The following SPATA16 variants were observed in gnomAD, a reference collection of about 807,000 sequenced individuals.
SPATA16 encodes the protein spermatogenesis associated 16.
Under a neutral mutation model 63.3 loss-of-function variants are expected in SPATA16, and 36 were observed. The ratio of observed to expected loss-of-function variants is 0.57; its 90% CI spans 0.44 to 0.75. The LOEUF is 0.75. Among genes scored for constraint, SPATA16 ranks in the 30% least tolerant of loss-of-function variants. The pLI is 0.00. For synonymous variants in SPATA16, 203 were observed against 216.7 expected, an observed-to-expected ratio of 0.94 and a Z score of 0.56; for missense variants, 646 against 679.3, an observed-to-expected ratio of 0.95 and a Z score of 0.54.
chr3:172,906,721 T>C (rs1185397691), intron 10 of SPATA16, among the ~76,000 whole-genome samples: 1 of 152,048 alleles, frequency 6.6e-6, no homozygotes, highest in Admixed American at 6.6e-5. Context: ...ACTGCTAAAC[T>C]TCTCTCTAAT....
intron 10 of SPATA16, among the ~76,000 whole-genome samples, chr3:172,897,702 T>C (rs1732036813): frequency 1.3e-5 from 2 of 152,086 alleles, no homozygotes; most frequent in South Asian, 4.1e-4. Context: ...TATCTGCAAA[T>C]AGGGAAGGGC....
chr3:172,951,771 A>G (rs1733440090), intron 6 of SPATA16, among the ~76,000 whole-genome samples: 1 of 152,156 alleles, frequency 6.6e-6, no homozygotes, highest in South Asian at 2.1e-4. Context: ...GGTGACCTAA[A>G]GTTGGGCAGA....
chr3:172,916,231 ATTTTTTT>A (rs201062286), intron 9 of SPATA16, 79 bp downstream of exon 9: 1 of 1,033,130 alleles, frequency 9.7e-7, no homozygotes, highest in Non-Finnish European at 1.4e-6. Flanking sequence ...TTACCACAGG[ATTTTTTT>A]TTTTTTTTTT....
In SPATA16 at chr3:173,117,558, G is replaced by T; in HGVS notation, c.174C>A (p.Ile58=). 1 of 1,613,934 alleles carries T rather than the reference G, an allele frequency of 6.2e-7. No individual in the cohort carries two copies. Among genetic ancestry groups the T allele is most frequent in the Non-Finnish European group, 8.5e-7 (1 of 1,179,958 alleles). The change falls in exon 2 of 11, where the codon ATC becomes ATA. Residue 58 remains isoleucine, a synonymous_variant. Coordinates refer to ENST00000351008, the MANE Select transcript of SPATA16 (RefSeq NM_031955.6). ...KKNCGGKQVE[I]TLERTKMTKG... ...TTGTCATTTTTGTTCTTTCAAGTGT[G>T]ATTTCTACCTGTTTACCTCCACAGT...
chr3:173,112,669 C>T (rs1737776945), intron 2 of SPATA16, among the ~76,000 whole-genome samples: 2 of 152,130 alleles, frequency 1.3e-5, no homozygotes, highest in South Asian at 4.1e-4. Context: ...ACAAAGAGCT[C>T]CATAAATGTG....
intron 10 of SPATA16, among the ~76,000 whole-genome samples, chr3:172,912,219 A>C (rs950825263): frequency 9.2e-5 from 14 of 152,162 alleles, no homozygotes; most frequent in African/African-American, 3.4e-4. Context: ...TCTTAGAGGC[A>C]GTGTTTCTGA....
At chr3:172,921,429 C>T (rs920410682) in intron 8 of SPATA16, among the ~76,000 whole-genome samples, 1 of 152,098 alleles carries the variant, frequency 6.6e-6, no homozygotes, top group South Asian at 2.1e-4. Context: ...GCTTGTCACA[C>T]GAGCATGGTC....
chr3:172,936,096 A>G (rs1732987342), intron 6 of SPATA16, among the ~76,000 whole-genome samples: 1 of 152,146 alleles, frequency 6.6e-6, no homozygotes, highest in Admixed American at 6.5e-5. Flanking sequence ...CTTTCTTCCT[A>G]GTTTCTGGCA....
At chr3:172,893,616 T>C (rs887221694) in intron 10 of SPATA16, among the ~76,000 whole-genome samples, 1 of 152,226 alleles carries the variant, frequency 6.6e-6, no homozygotes, top group African/African-American at 2.4e-5. Flanking sequence ...GGAAGAGCAA[T>C]TAAGTTATAA....
intron 10 of SPATA16, among the ~76,000 whole-genome samples, chr3:172,912,308 C>A (rs555083774): frequency 1.2e-4 from 19 of 152,186 alleles, no homozygotes; most frequent in African/African-American, 4.6e-4. Flanking sequence ...TTCAGTTAGC[C>A]CATAAGTAGC....
intron 6 of SPATA16, among the ~76,000 whole-genome samples, chr3:172,935,855 C>T (rs1732978144): frequency 6.6e-6 from 1 of 152,044 alleles, no homozygotes; most frequent in Admixed American, 6.6e-5. Flanking sequence ...AGTTTAGGAA[C>T]TCTCATGTCT....
chr3:173,048,688 C>T (rs1465621570), intron 3 of SPATA16, among the ~76,000 whole-genome samples: 5 of 152,078 alleles, frequency 3.3e-5, no homozygotes, highest in Non-Finnish European at 7.4e-5. Context: ...CGTTTCTTCC[C>T]GCAGCAATTT....
At chr3:173,013,666 C>T (rs576310667) in intron 4 of SPATA16, among the ~76,000 whole-genome samples, 1 of 152,326 alleles carries the variant, frequency 6.6e-6, no homozygotes, top group South Asian at 2.1e-4. Flanking sequence ...TGTCCATTAT[C>T]TTGGTTTGCC....
At chr3:172,988,773 A>T (rs1460884776) in intron 4 of SPATA16, among the ~76,000 whole-genome samples, 1 of 152,128 alleles carries the variant, frequency 6.6e-6, no homozygotes, top group Non-Finnish European at 1.5e-5. Flanking sequence ...AGTAGCTGAG[A>T]TTACAAGTGC....
chr3:173,069,123 AAAAG>A (rs1330221593), intron 2 of SPATA16, among the ~76,000 whole-genome samples: 4 of 151,368 alleles, frequency 2.6e-5, no homozygotes, highest in South Asian at 2.1e-4. Context: ...AAAAAAAAAA[AAAAG>A]AAAGAAAGAA....
rs1427393554 is a variant in SPATA16, at chr3:172,913,745, C to A, written c.1504-1G>T. ...TAGCATCTGCCATTAGTGACTGCAG[C>A]TGTGGCACCAAGATAAAAATTATCA... On this transcript the variant is annotated splice_acceptor_variant, in intron 9 of 10. Transcript: ENST00000351008. LOFTEE classifies it high-confidence loss of function. 2 of 1,612,890 alleles carry A rather than the reference C, an allele frequency of 1.2e-6. No homozygotes were observed. The highest frequency in any genetic ancestry group is 2.7e-5 in the African/African-American group (2 of 74,866).
chr3:172,942,714 C>T (rs938188064), intron 6 of SPATA16, among the ~76,000 whole-genome samples: 1 of 152,074 alleles, frequency 6.6e-6, no homozygotes, highest in Non-Finnish European at 1.5e-5. Context: ...AAAAACCCTG[C>T]ATTCCAAAAT....
chr3:172,941,591 A>G (rs556803462), intron 6 of SPATA16, among the ~76,000 whole-genome samples: 12 of 152,332 alleles, frequency 7.9e-5, no homozygotes, highest in African/African-American at 2.6e-4. Flanking sequence ...ACTGTTATCT[A>G]AGAACTAGGG....
chr3:172,924,078 C>A (rs1290690497), intron 8 of SPATA16, 130 bp downstream of exon 8: 4 of 729,646 alleles, frequency 5.5e-6, no homozygotes, highest in East Asian at 2.8e-5. Flanking sequence ...CTTGTTTTTG[C>A]AAATGAGATT....
Sources: gnomAD v4.1 joint callset for allele counts (sites outside exome capture counted in the v4.1 genomes callset) on GRCh38, gnomAD v4.1.1 for gene constraint, MANE v1.5 for transcripts, NCBI Gene and HGNC (gene_info 2026-07-23, HGNC 2026-07-21) for gene names.